ELMO1: variants seen among roughly 807,000 people sequenced by gnomAD.
The protein encoded by ELMO1 is engulfment and cell motility 1.
A neutral mutation model predicts 98.9 loss-of-function variants in ELMO1; 26 were observed. The observed-to-expected ratio is 0.26, with a 90% CI of 0.19 to 0.36. ELMO1 has a LOEUF of 0.36. Among genes scored for constraint, ELMO1 ranks in the 10% least tolerant of loss-of-function variants. The probability of loss-of-function intolerance (pLI) is 1.00; values close to 1 mark genes in which losing one functional copy is unlikely to be tolerated. For missense variants in ELMO1, 627 were observed against 935.2 expected, an observed-to-expected ratio of 0.67 and a Z score of 4.30; for synonymous variants, 346 against 346.0, an observed-to-expected ratio of 1.00 and a Z score of 0.00.
chr7:37,241,119 G>A (rs1157434557), intron 7 of ELMO1, among the ~76,000 whole-genome samples: 2 of 151,854 alleles, frequency 1.3e-5, no homozygotes, highest in East Asian at 1.9e-4. Context: ...TTTGCTTCAC[G>A]TATTTTAAAA....
intron 16 of ELMO1, chr7:37,001,953 A>C (rs1792700830): frequency 6.6e-6 from 1 of 152,216 alleles, no homozygotes; most frequent in South Asian, 2.1e-4. Flanking sequence ...GGAAAATGGA[A>C]AGGTTTCCAA....
intron 6 of ELMO1, among the ~76,000 whole-genome samples, chr7:37,255,497 CA>C (rs1015591060): frequency 6.6e-6 from 1 of 152,150 alleles, no homozygotes; most frequent in Non-Finnish European, 1.5e-5. Flanking sequence ...AAACTGAAAA[CA>C]AAAGCTCCTA....
intron 1 of ELMO1, among the ~76,000 whole-genome samples, chr7:37,403,395 G>A (rs1562668676): frequency 6.6e-6 from 1 of 151,834 alleles, no homozygotes; most frequent in African/African-American, 2.4e-5. Flanking sequence ...CCCCAACTCT[G>A]AAAAAAAATC....
intron 15 of ELMO1, among the ~76,000 whole-genome samples, chr7:37,014,623 C>T (rs201642861): frequency 6.6e-6 from 1 of 152,066 alleles, no homozygotes; most frequent in African/African-American, 2.4e-5. Flanking sequence ...CTCTATCCCC[C>T]AGTCCCCCCA....
chr7:36,865,788 A>T (rs192742413), intron 20 of ELMO1, among the ~76,000 whole-genome samples: 5 of 152,328 alleles, frequency 3.3e-5, no homozygotes, highest in Admixed American at 1.3e-4. Context: ...TCTACTGGAC[A>T]CCTAGGGCCA....
intron 13 of ELMO1, among the ~76,000 whole-genome samples, chr7:37,181,733 G>C (rs569569524): frequency 9.2e-5 from 14 of 152,332 alleles, no homozygotes; most frequent in African/African-American, 3.1e-4. Flanking sequence ...CACACAGCTA[G>C]TAAGTGCCTA....
intron 4 of ELMO1, among the ~76,000 whole-genome samples, chr7:37,285,547 G>T (rs1013135540): frequency 6.6e-6 from 1 of 152,156 alleles, no homozygotes; most frequent in African/African-American, 2.4e-5. Flanking sequence ...ACTGTATTGT[G>T]GTGACAAAAG....
intron 16 of ELMO1, among the ~76,000 whole-genome samples, chr7:36,916,232 T>C (rs1011952976): frequency 1.3e-5 from 2 of 152,170 alleles, no homozygotes; most frequent in African/African-American, 4.8e-5. Flanking sequence ...AACTTTCCTC[T>C]CTCGTCATTT....
intron 15 of ELMO1, among the ~76,000 whole-genome samples, chr7:37,094,715 G>A (rs1245295813): frequency 6.6e-6 from 1 of 152,174 alleles, no homozygotes; most frequent in African/African-American, 2.4e-5. Flanking sequence ...CTCTCACTGA[G>A]ATCACTGCAA....
chr7:37,316,047 T>C (rs1274193866), intron 2 of ELMO1, 87 bp from the exon 3 acceptor site: 4 of 1,081,880 alleles, frequency 3.7e-6, no homozygotes, highest in African/African-American at 3.2e-5. Context: ...AAAAAGATTA[T>C]CTAAGCAAAG....
intron 20 of ELMO1, among the ~76,000 whole-genome samples, chr7:36,866,754 C>T (rs1803061317): frequency 6.6e-6 from 1 of 152,142 alleles, no homozygotes; most frequent in African/African-American, 2.4e-5. Flanking sequence ...CAGCAATTTG[C>T]CTTGGTTGTC....
At chr7:37,188,584 G>A (rs1454503444) in intron 13 of ELMO1, among the ~76,000 whole-genome samples, 1 of 151,018 alleles carries the variant, frequency 6.6e-6, no homozygotes, top group Non-Finnish European at 1.5e-5. Context: ...TGGGTATTTA[G>A]AGAAAAGGCA....
At chr7:37,072,861 C>A (rs1056182854) in intron 15 of ELMO1, among the ~76,000 whole-genome samples, 4 of 152,168 alleles carry the variant, frequency 2.6e-5, no homozygotes, top group African/African-American at 9.7e-5. Flanking sequence ...AAATGTTTAA[C>A]CTTTCTCATA....
chr7:37,120,975 G>A (rs189338334), intron 14 of ELMO1, among the ~76,000 whole-genome samples: 9 of 152,200 alleles, frequency 5.9e-5, no homozygotes, highest in Non-Finnish European at 1.0e-4. Flanking sequence ...ACCAATATTC[G>A]CTGTTCTGCA....
intron 4 of ELMO1, among the ~76,000 whole-genome samples, chr7:37,314,410 T>G (rs1379206789): frequency 6.6e-6 from 1 of 152,162 alleles, no homozygotes; most frequent in Non-Finnish European, 1.5e-5. Flanking sequence ...GAGAGCTGGG[T>G]TCCCAAGATT....
At chr7:36,878,259 C>CATT in intron 18 of ELMO1, 142 bp from the exon 19 acceptor site, 1 of 639,260 alleles carries the variant, frequency 1.6e-6, no homozygotes, top group East Asian at 2.7e-5. Context: ...ATTCTAGGGC[C>CATT]CTGGGCAATA....
intron 15 of ELMO1, among the ~76,000 whole-genome samples, chr7:37,056,497 C>T (rs1422331777): frequency 6.6e-6 from 1 of 152,186 alleles, no homozygotes; most frequent in East Asian, 1.9e-4. Context: ...ATATCCCTAC[C>T]ACAAACTGAG....
chr7:36,971,013 C>G (rs1239297644), intron 16 of ELMO1, among the ~76,000 whole-genome samples: 2 of 152,180 alleles, frequency 1.3e-5, no homozygotes, highest in African/African-American at 4.8e-5. Flanking sequence ...GGAGATGGGC[C>G]CACCCTTGGG....
intron 16 of ELMO1, among the ~76,000 whole-genome samples, chr7:36,925,427 G>A (rs1785490649): frequency 6.6e-6 from 1 of 152,062 alleles, no homozygotes. Flanking sequence ...GCTGGCTGCT[G>A]CACAGAAGAT....
Sources: gnomAD v4.1 joint callset for allele counts (sites outside exome capture counted in the v4.1 genomes callset) on GRCh38, gnomAD v4.1.1 for gene constraint, MANE v1.5 for transcripts, NCBI Gene and HGNC (gene_info 2026-07-23, HGNC 2026-07-21) for gene names.